Variants in ZNF536 observed in about 807,000 individuals in gnomAD.
The protein encoded by ZNF536 is zinc finger protein 536.
A neutral mutation model predicts 84.5 loss-of-function variants in ZNF536; 13 were observed. The observed-to-expected ratio is 0.15, with a 90% confidence interval of 0.10 to 0.24. The LOEUF is 0.24. ZNF536 is among the 10% of genes least tolerant of loss of function. The pLI is 1.00. For synonymous variants in ZNF536, 811 were observed against 742.5 expected, an observed-to-expected ratio of 1.09 and a Z score of -1.50; for missense variants, 1,536 against 1,747.5, an observed-to-expected ratio of 0.88 and a Z score of 2.16.
chr19:30,255,202 G>A (rs2024847187), intron 1 of ZNF536, among the ~76,000 whole-genome samples: 1 of 152,008 alleles, frequency 6.6e-6, no homozygotes, highest in African/African-American at 2.4e-5. Context: ...GCTCTCGTTT[G>A]TGGCTTTCAG....
intron 1 of ZNF536, among the ~76,000 whole-genome samples, chr19:30,565,179 T>G (rs886706941): frequency 6.6e-6 from 1 of 151,898 alleles, no homozygotes; most frequent in Non-Finnish European, 1.5e-5. Flanking sequence ...TTTTTTTTTT[T>G]TTTTAACTTA....
At chr19:30,274,143 T>A (rs2026000783) in intron 1 of ZNF536, among the ~76,000 whole-genome samples, 1 of 152,246 alleles carries the variant, frequency 6.6e-6, no homozygotes, top group African/African-American at 2.4e-5. Flanking sequence ...GTGGCATAAC[T>A]TTCATTTCGA....
chr19:30,228,731 G>T lies in ZNF536; in HGVS notation c.-190+58G>T, dbSNP rs533358265. ...GGGGTGAGCGCGCAAAGCCGGGAGCGAGGTGCCGCGAGCTGCGCGCCGCCC... is the reference window on the plus strand; with the variant it reads ...GGGGTGAGCGCGCAAAGCCGGGAGCTAGGTGCCGCGAGCTGCGCGCCGCCC... On this transcript the variant is annotated intron_variant, in intron 1 of 5. Transcript: ENST00000585628. This position sits in a 1 kb window ranked among gnomAD's most constrained non-coding sequence, Gnocchi z 4.5. 6.6e-6 allele frequency: 1 copy of T among 151,138 alleles called. No homozygotes were observed. Among genetic ancestry groups the T allele is most frequent in the Non-Finnish European group, 1.5e-5 (1 of 67,778 alleles). 9.4% of individuals were successfully genotyped at this position (151,138 alleles called of 1,614,324 possible). A position where few individuals can be genotyped will look rare whatever the true frequency, so the allele number is the denominator to read the frequency against.
intron 1 of ZNF536, among the ~76,000 whole-genome samples, chr19:30,610,874 T>C (rs1439514605): frequency 6.6e-6 from 1 of 152,124 alleles, no homozygotes; most frequent in Non-Finnish European, 1.5e-5. Flanking sequence ...TCTTCAGAAA[T>C]TTATCAAAAT....
intron 1 of ZNF536, among the ~76,000 whole-genome samples, chr19:30,424,732 C>T (rs1308720100): frequency 1.3e-5 from 2 of 152,160 alleles, no homozygotes. Flanking sequence ...TAGCTAAAAT[C>T]ACTTCTCCTT....
intron 1 of ZNF536, among the ~76,000 whole-genome samples, chr19:30,380,588 C>T (rs993983139): frequency 1.3e-5 from 2 of 152,306 alleles, no homozygotes; most frequent in Admixed American, 6.5e-5. Flanking sequence ...TTGTTTCAAA[C>T]TCTGCAGGAA....
intron 4 of ZNF536, 76 bp from the exon 5 acceptor site, chr19:30,557,081 C>A (rs2146368216): frequency 6.7e-7 from 1 of 1,502,798 alleles, no homozygotes; most frequent in Non-Finnish European, 9.2e-7. Context: ...GGGGATGTGG[C>A]CCTGCCCTTG....
chr19:30,346,796 C>T (rs2047757744), intron 2 of ZNF536, among the ~76,000 whole-genome samples: 1 of 152,198 alleles, frequency 6.6e-6, no homozygotes, highest in Admixed American at 6.5e-5. Flanking sequence ...AATAATGCTG[C>T]AATGAACATA....
chr19:30,249,946 C>G (rs895285391), intron 1 of ZNF536, among the ~76,000 whole-genome samples: 1 of 152,188 alleles, frequency 6.6e-6, no homozygotes, highest in African/African-American at 2.4e-5. Flanking sequence ...TGGGCAAAGG[C>G]AGCACTCCCT....
chr19:30,622,408 C>G (rs1352959691), intron 1 of ZNF536, among the ~76,000 whole-genome samples: 1 of 152,242 alleles, frequency 6.6e-6, no homozygotes, highest in Non-Finnish European at 1.5e-5. Flanking sequence ...GCCATCATGT[C>G]CCCCCAGGGG....
chr19:30,557,392 T>G lies in ZNF536; in HGVS notation c.*228T>G. ...AATATTACCCCATATGTTCCAGTAT[T>G]AGTCATGGATTGCAAAGGCTTAGTA... On this transcript the variant is annotated 3_prime_UTR_variant, in exon 5 of 5. Coordinates refer to ENST00000355537, the MANE Select transcript of ZNF536 (RefSeq NM_014717.3). 2.4e-6 allele frequency: 1 copy of G among 419,514 alleles called. No individual in the cohort carries two copies. Among genetic ancestry groups the G allele is most frequent in the South Asian group, 6.9e-5 (1 of 14,520 alleles). 26.0% of individuals were successfully genotyped at this position (419,514 alleles called of 1,614,324 possible). A position where few individuals can be genotyped will look rare whatever the true frequency, so the allele number is the denominator to read the frequency against.
At chr19:30,562,994 C>T (rs904005593), downstream of ZNF536, among the ~76,000 whole-genome samples, 5 of 152,156 alleles carry the variant, frequency 3.3e-5, no homozygotes, top group Non-Finnish European at 7.3e-5. Context: ...TGTTATCACC[C>T]ATCAAATGAG....
At chr19:30,285,188 T>C (rs2045584850) in intron 2 of ZNF536, among the ~76,000 whole-genome samples, 1 of 152,256 alleles carries the variant, frequency 6.6e-6, no homozygotes, top group African/African-American at 2.4e-5. Context: ...ATCTACCAAA[T>C]TCATAGCTTC....
rs780920726 is a variant in ZNF536 at position 30,445,323 on chromosome 19, A to C, written c.1761A>C (p.Lys587Asn). ...CTGCTGATTTGGTTCACAGCACTAAAGTGGGCAGCCAGAGAGACCTGCCAA... is the reference window on the plus strand; with the variant it reads ...CTGCTGATTTGGTTCACAGCACTAACGTGGGCAGCCAGAGAGACCTGCCAA... The part of the protein sequence containing the change: ...KMPADLVHST[K>N]VGSQRDLPSK... The change falls in exon 2 of 5, where the codon AAA becomes AAC. Residue 587 changes from lysine to asparagine, a missense_variant. Around this residue, in one of 8 missense-constraint regions of ZNF536, gnomAD observed 366 missense variants for 364.4 expected, o/e 1.00. Coordinates refer to ENST00000355537, the MANE Select transcript of ZNF536 (RefSeq NM_014717.3). The surrounding 1 kb of genome is among the most constrained non-coding windows in gnomAD (Gnocchi z 4.5). 17 of 1,614,082 alleles carry C rather than the reference A, an allele frequency of 1.1e-5. No homozygotes were observed.
intron 2 of ZNF536, among the ~76,000 whole-genome samples, chr19:30,466,808 G>GGAAGGAAA (rs1568460361): frequency 6.8e-6 from 1 of 146,762 alleles, no homozygotes; most frequent in Non-Finnish European, 1.5e-5. Flanking sequence ...AAGGAAGGAA[G>GGAAGGAAA]GAAGGGAAGG....
rs141057051 is a variant in ZNF536, at chr19:30,709,684, G to A, written c.170-1073G>A. On this transcript the variant is annotated intron_variant, in intron 1 of 1. Transcript: ENST00000592773. ...CTTGTTGTCCAGGCTGTAGTGCACTGGTACCATCATAGCTCACTGCAGCCT... is the reference window on the plus strand; with the variant it reads ...CTTGTTGTCCAGGCTGTAGTGCACTAGTACCATCATAGCTCACTGCAGCCT... 2.5e-3 allele frequency among the ~76,000 whole-genome samples: 388 copies of A among 152,286 alleles called. 2 individuals carry two copies. Among genetic ancestry groups the A allele is most frequent in the African/African-American group, 8.8e-3 (366 of 41,554 alleles).
At chr19:30,481,028 CAAA>C (rs55924638) in intron 2 of ZNF536, among the ~76,000 whole-genome samples, 18 of 114,132 alleles carry the variant, frequency 1.6e-4, no homozygotes, top group Admixed American at 2.8e-4. Flanking sequence ...GACCCTGTCT[CAAA>C]AAAAAAAAAA....
At chr19:30,275,840 A>AGT (rs35955842) in intron 1 of ZNF536, among the ~76,000 whole-genome samples, 34,383 of 150,124 alleles carry the variant, frequency 0.23, 4,244 homozygotes, top group East Asian at 0.47. Flanking sequence ...TGTGTGTGTG[A>AGT]GTGTGTGTGT....
chr19:30,260,250 C>G (rs562966094), intron 1 of ZNF536, among the ~76,000 whole-genome samples: 1 of 152,318 alleles, frequency 6.6e-6, no homozygotes, highest in Admixed American at 6.5e-5. Context: ...TGTAAAGTGT[C>G]TGTTCTTTGA....
Sources: allele counts gnomAD v4.1 joint callset (sites outside exome capture counted in the v4.1 genomes callset), GRCh38; gene constraint gnomAD v4.1.1; regional missense constraint gnomAD v4.1.1; non-coding constraint Gnocchi (gnomAD v3.1); transcripts MANE v1.5; gene names NCBI Gene and HGNC (gene_info 2026-07-23, HGNC 2026-07-21).